CNTN1: variants seen among roughly 807,000 people sequenced by gnomAD.
CNTN1 encodes the protein contactin 1.
In CNTN1, 38 loss-of-function variants were observed where a neutral mutation model predicts 126.4. The observed-to-expected ratio is 0.30, with a 90% CI of 0.23 to 0.39. The LOEUF (loss-of-function observed/expected upper bound fraction) is 0.39. Ranked by LOEUF, CNTN1 falls within the 10% of genes least tolerant of loss-of-function variation. CNTN1 has a pLI of 1.00. For missense variants in CNTN1, 1,009 were observed against 1,248.4 expected (o/e 0.81, Z 2.89); for synonymous variants, 413 against 422.6 (o/e 0.98, Z 0.28).
At chr12:40,894,380 A>G (rs1390930054) in intron 1 of CNTN1, among the ~76,000 whole-genome samples, 1 of 152,136 alleles carries the variant, frequency 6.6e-6, no homozygotes, top group Non-Finnish European at 1.5e-5. Flanking sequence ...GTTGATTTAA[A>G]CTGTGAACTT....
chr12:41,057,753 G>A (rs570888357), intron 23 of CNTN1, among the ~76,000 whole-genome samples: 6 of 152,060 alleles, frequency 3.9e-5, no homozygotes, highest in Admixed American at 6.6e-5. Flanking sequence ...GTTTTCTGGC[G>A]TTTTGGCGTG....
chr12:40,840,158 C>T (rs1942219500), intron 1 of CNTN1, among the ~76,000 whole-genome samples: 1 of 151,816 alleles, frequency 6.6e-6, no homozygotes, highest in Non-Finnish European at 1.5e-5. Flanking sequence ...AAAAGATATT[C>T]CACATAAAAG....
At chr12:40,725,517 C>CTAGCCAGTT (rs1942331128) in intron 1 of CNTN1, among the ~76,000 whole-genome samples, 2 of 151,676 alleles carry the variant, frequency 1.3e-5, no homozygotes, top group Non-Finnish European at 2.9e-5. Flanking sequence ...AGCCCAGCCT[C>CTAGCCAGTT]TAGCCAGTTT....
intron 15 of CNTN1, chr12:40,971,344 G>T: frequency 8.9e-7 from 1 of 1,118,380 alleles, no homozygotes; most frequent in Non-Finnish European, 1.3e-6. Context: ...TACCCATCAA[G>T]GAAATAGGGC....
In CNTN1 at chr12:41,030,289, T is replaced by G. The variant is rs1009739151; in HGVS notation, c.2980+1070T>G. ...AATCCTTTACCACAATGCCAGAGTATTTAATGGTATTTAATAAATGCTGGC... is the reference window on the plus strand; with the variant it reads ...AATCCTTTACCACAATGCCAGAGTAGTTAATGGTATTTAATAAATGCTGGC... On this transcript the variant is annotated intron_variant, in intron 23 of 23. Transcript: ENST00000551295. Among the ~76,000 whole-genome samples, 4 of 152,094 alleles carry G rather than the reference T, an allele frequency of 2.6e-5. No homozygotes were observed. The East Asian group carries it at 7.7e-4, about 29-fold the overall frequency.
At chr12:40,706,397 G>T (rs1298515246) in intron 1 of CNTN1, among the ~76,000 whole-genome samples, 1 of 151,612 alleles carries the variant, frequency 6.6e-6, no homozygotes, top group Admixed American at 6.6e-5. Flanking sequence ...ACTTCTCCCA[G>T]GCAGATCGAC....
rs199724833 is a variant in CNTN1, at chr12:40,944,184, G to A, written c.1683+14G>A. The A allele has an allele frequency of 1.2e-6, 2 of 1,602,990 alleles. No homozygotes were observed. Among genetic ancestry groups the A allele is most frequent in the South Asian group, 2.2e-5 (2 of 90,850 alleles). On this transcript the variant is annotated intron_variant, in intron 14 of 23. Coordinates refer to ENST00000551295, the MANE Select transcript of CNTN1 (RefSeq NM_001843.4). ...AGGAATTTTATGGTATGTGTTTTAA[G>A]TTTCATCTTATTAACACCCCAGTGA...
At chr12:40,860,631 C>A (rs541610145) in intron 1 of CNTN1, among the ~76,000 whole-genome samples, 34 of 152,044 alleles carry the variant, frequency 2.2e-4, no homozygotes, top group Non-Finnish European at 4.6e-4. Flanking sequence ...ATGATGGATG[C>A]AACTCAAAAA....
intron 17 of CNTN1, among the ~76,000 whole-genome samples, chr12:41,011,050 A>T (rs1383300497): frequency 1.3e-5 from 2 of 152,216 alleles, no homozygotes; most frequent in Non-Finnish European, 2.9e-5. Context: ...GCTTAAGAGC[A>T]GCAAAACATC....
intron 1 of CNTN1, among the ~76,000 whole-genome samples, chr12:40,851,018 T>C (rs1161596857): frequency 6.6e-6 from 1 of 152,188 alleles, no homozygotes; most frequent in African/African-American, 2.4e-5. Flanking sequence ...TAGATAACTT[T>C]CAGATTTTAG....
intron 1 of CNTN1, among the ~76,000 whole-genome samples, chr12:40,745,273 A>G (rs1255087100): frequency 1.3e-5 from 2 of 152,140 alleles, no homozygotes; most frequent in African/African-American, 2.4e-5. Context: ...ATGAGTGACC[A>G]TGGCTTATGA....
At chr12:40,847,640 T>G (rs1225687407) in intron 1 of CNTN1, among the ~76,000 whole-genome samples, 1 of 152,242 alleles carries the variant, frequency 6.6e-6, no homozygotes, top group East Asian at 1.9e-4. Flanking sequence ...TGGAAAAGTT[T>G]AGAAAGCAGT....
intron 23 of CNTN1, among the ~76,000 whole-genome samples, chr12:41,045,413 G>GA (rs1206178109): frequency 1.3e-5 from 2 of 152,006 alleles, no homozygotes; most frequent in Non-Finnish European, 2.9e-5. Flanking sequence ...TCTCTCCTGA[G>GA]GTTTGACACT....
intron 1 of CNTN1, among the ~76,000 whole-genome samples, chr12:40,798,267 CTGAAGAGTCAT>C (rs559354604): frequency 6.6e-6 from 1 of 152,118 alleles, no homozygotes; most frequent in African/African-American, 2.4e-5. Flanking sequence ...GATGTTGCTA[CTGAAGAGTCAT>C]TGATTGTGTG....
At chr12:40,728,421 A>G (rs529756500) in intron 1 of CNTN1, among the ~76,000 whole-genome samples, 8 of 152,298 alleles carry the variant, frequency 5.3e-5, no homozygotes, top group Non-Finnish European at 8.8e-5. Context: ...GAGGACCTAA[A>G]AAAAGGCAAC....
At chr12:40,851,094 T>C (rs1942699756) in intron 1 of CNTN1, among the ~76,000 whole-genome samples, 1 of 152,192 alleles carries the variant, frequency 6.6e-6, no homozygotes, top group African/African-American at 2.4e-5. Flanking sequence ...CAGTGAACCT[T>C]CATTTGCTAC....
chr12:40,697,912 C>A (rs959248061), intron 1 of CNTN1, among the ~76,000 whole-genome samples: 6 of 152,218 alleles, frequency 3.9e-5, no homozygotes, highest in Admixed American at 2.6e-4. Context: ...CAGAGCAGGG[C>A]ACATTGTTTG....
At chr12:40,943,370 G>C (rs1421734255) in intron 12 of CNTN1, among the ~76,000 whole-genome samples, 1 of 151,798 alleles carries the variant, frequency 6.6e-6, no homozygotes, top group African/African-American at 2.4e-5. Flanking sequence ...GAAGACTACG[G>C]CAATAGTTCA....
At chr12:40,849,073 G>T (rs561322415) in intron 1 of CNTN1, among the ~76,000 whole-genome samples, 2 of 152,172 alleles carry the variant, frequency 1.3e-5, no homozygotes, top group Non-Finnish European at 2.9e-5. Flanking sequence ...ACTAAGAACC[G>T]AAGAACCTGA....
Sources: allele counts gnomAD v4.1 joint callset (sites outside exome capture counted in the v4.1 genomes callset), GRCh38; gene constraint gnomAD v4.1.1; transcripts MANE v1.5; gene names NCBI Gene and HGNC (gene_info 2026-07-23, HGNC 2026-07-21).